The following NTSR1 variants were observed in gnomAD, a reference collection of about 807,000 sequenced individuals.
NTSR1 encodes the protein neurotensin receptor type 1.
In NTSR1, 29 loss-of-function variants were observed where a neutral mutation model predicts 31.2. The observed-to-expected ratio is 0.93, with a 90% confidence interval of 0.69 to 1.27. NTSR1 has a LOEUF of 1.27. Ranked by LOEUF, NTSR1 falls within the 50% of genes most tolerant of loss-of-function variation. NTSR1 has a pLI of 0.00. For synonymous variants in NTSR1, 282 were observed against 269.9 expected (o/e 1.04, Z -0.44); for missense variants, 697 against 595.4 (o/e 1.17, Z -1.78).
intron 3 of NTSR1, 125 bp from the exon 4 acceptor site, chr20:62,759,893 T>C (rs1035394289): frequency 5.6e-6 from 5 of 887,214 alleles, no homozygotes; most frequent in South Asian, 1.6e-5. Flanking sequence ...ACAACCATTC[T>C]CAAGGGGTGT....
In NTSR1 at chr20:62,711,586, C is replaced by T. The variant is rs1440206007; in HGVS notation, c.714+1665C>T. Among the ~76,000 whole-genome samples, 1 of 129,722 alleles carries T rather than the reference C, an allele frequency of 7.7e-6. No individual in the cohort carries two copies. Among genetic ancestry groups the T allele is most frequent in the African/African-American group, 2.8e-5 (1 of 35,534 alleles). 85.1% of individuals were successfully genotyped at this position (129,722 alleles called of 152,430 possible). On this transcript the variant is annotated intron_variant, in intron 1 of 3. Transcript: ENST00000370501. This position sits in a 1 kb window ranked among gnomAD's most constrained non-coding sequence, Gnocchi z 6.4. Reference sequence around the variant, plus strand: ...AGACCCCCGATCCCCCCGCTCAGATCCCCGATCCCCCCGCTCAGAACCCCG... The same window carrying T: ...AGACCCCCGATCCCCCCGCTCAGATTCCCGATCCCCCCGCTCAGAACCCCG...
chr20:62,745,952 G>A lies in NTSR1; in HGVS notation c.715-8733G>A, dbSNP rs6062313. Among the ~76,000 whole-genome samples the A allele has an allele frequency of 0.42, 63,910 of 152,174 alleles. 14,894 individuals carry two copies. The highest frequency in any genetic ancestry group is 0.53 in the Non-Finnish European group (36,062 of 67,976). On this transcript the variant is annotated intron_variant, in intron 1 of 3. Coordinates refer to ENST00000370501, the MANE Select transcript of NTSR1 (RefSeq NM_002531.3). This position sits in a 1 kb window ranked among gnomAD's most constrained non-coding sequence, Gnocchi z 4.1. The stretch of plus-strand genomic sequence containing the variant: ...GTGCTGTGGCATCAGTGGCGCTGAG[G>A]CATCCTCTGGCCGGCCCTGCATGGC...
intron 1 of NTSR1, among the ~76,000 whole-genome samples, chr20:62,753,460 G>C (rs1989427994): frequency 6.6e-6 from 1 of 152,186 alleles, no homozygotes; most frequent in Non-Finnish European, 1.5e-5. Flanking sequence ...GAATCCCACG[G>C]CAGATACCCC....
At chr20:62,746,426 T>C (rs1418157474) in intron 1 of NTSR1, among the ~76,000 whole-genome samples, 2 of 152,106 alleles carry the variant, frequency 1.3e-5, no homozygotes, top group Non-Finnish European at 1.5e-5. Flanking sequence ...CTTTCAGTGG[T>C]CTCTCCTCCC....
rs1420723523 is a variant in NTSR1, at chr20:62,745,646, A to G, written c.715-9039A>G. Among the ~76,000 whole-genome samples, 2 of 152,208 alleles carry G rather than the reference A, an allele frequency of 1.3e-5. No individual in the cohort carries two copies. The highest frequency in any genetic ancestry group is 2.4e-5 in the African/African-American group (1 of 41,438). ...ACAGAGAAAAACACAGAGACATCAC[A>G]GGAGAAAGATACAAAGACAGACAGA... is the stretch of plus-strand genomic sequence containing the variant. On this transcript the variant is annotated intron_variant, in intron 1 of 3. Transcript: ENST00000370501. This position sits in a 1 kb window ranked among gnomAD's most constrained non-coding sequence, Gnocchi z 4.1.
At chr20:62,726,808 C>G (rs1175380514) in intron 1 of NTSR1, among the ~76,000 whole-genome samples, 5 of 152,128 alleles carry the variant, frequency 3.3e-5, no homozygotes, top group Non-Finnish European at 4.4e-5. Context: ...CTAAGACAAG[C>G]CTGGCCCCGG....
chr20:62,744,178 A>G lies in NTSR1; in HGVS notation c.715-10507A>G, dbSNP rs1187380712. ...CCAAGCCGCAGTCCTGTGCCCCCCAATTTGCTTCCTTTCCCACACCCAAGG... is the reference window on the plus strand; with the variant it reads ...CCAAGCCGCAGTCCTGTGCCCCCCAGTTTGCTTCCTTTCCCACACCCAAGG... On this transcript the variant is annotated intron_variant, in intron 1 of 3. Coordinates refer to ENST00000370501, the MANE Select transcript of NTSR1 (RefSeq NM_002531.3). This position sits in a 1 kb window ranked among gnomAD's most constrained non-coding sequence, Gnocchi z 4.1. Among the ~76,000 whole-genome samples the G allele has an allele frequency of 2.0e-5, 3 of 151,938 alleles. No individual in the cohort carries two copies. Among genetic ancestry groups the G allele is most frequent in the South Asian group, 2.1e-4 (1 of 4,816 alleles).
chr20:62,761,676 T>C lies in NTSR1; in HGVS notation c.*1409T>C, dbSNP rs1989625532. 1 of 152,212 alleles carries C rather than the reference T, an allele frequency of 6.6e-6. No individual in the cohort carries two copies. Among genetic ancestry groups the C allele is most frequent in the Non-Finnish European group, 1.5e-5 (1 of 68,050 alleles). The allele number at this position is 152,212 out of a possible 1,614,324, so 9.4% of individuals were successfully genotyped here. ...CTGGGCTGGCTGCCTGCACCGGCCATGTCGACCCAGGACCCGGACACCTGG... is the reference window on the plus strand; with the variant it reads ...CTGGGCTGGCTGCCTGCACCGGCCACGTCGACCCAGGACCCGGACACCTGG... On this transcript the variant is annotated 3_prime_UTR_variant, in exon 4 of 4. Coordinates refer to ENST00000370501, the MANE Select transcript of NTSR1 (RefSeq NM_002531.3).
In NTSR1 at chr20:62,754,764, T is replaced by C; in HGVS notation, c.794T>C (p.Val265Ala). 6.2e-7 allele frequency: 1 copy of C among 1,612,614 alleles called. No individual in the cohort carries two copies. The highest frequency in any genetic ancestry group is 8.5e-7 in the Non-Finnish European group (1 of 1,179,784). The change falls in exon 2 of 4, where the codon GTC (valine) becomes GCC (alanine). Residue 265 changes from valine (V) to alanine (A), a missense_variant. Physicochemically the swap from Val to Ala is moderately conservative, Grantham distance 64. Coordinates refer to ENST00000370501, the MANE Select transcript of NTSR1 (RefSeq NM_002531.3). ...ACCATCATCGCCAACAAGCTGACCGTCATGGTACGCCAGGCGGCCGAGCAG... is the reference window on the plus strand; with the variant it reads ...ACCATCATCGCCAACAAGCTGACCGCCATGGTACGCCAGGCGGCCGAGCAG... ...LNTIIANKLT[V>A]MVRQAAEQGQ...
At position 62,743,622 on chromosome 20, in the gene NTSR1, C is replaced by T. The variant is rs922430971; in HGVS notation, c.715-11063C>T. Among the ~76,000 whole-genome samples, 6 of 150,606 alleles carry T rather than the reference C, an allele frequency of 4.0e-5. No individual in the cohort carries two copies. Among genetic ancestry groups the T allele is most frequent in the Non-Finnish European group, 8.9e-5 (6 of 67,534 alleles). On this transcript the variant is annotated intron_variant, in intron 1 of 3. Coordinates refer to ENST00000370501, the MANE Select transcript of NTSR1 (RefSeq NM_002531.3). This position sits in a 1 kb window ranked among gnomAD's most constrained non-coding sequence, Gnocchi z 7.5. ...CCTCCCACCCGCCCCGCAGCCTCTG[C>T]AGCCATCTTACAAAGCCTCTGGGTT... is the stretch of plus-strand genomic sequence containing the variant.
At chr20:62,746,465 C>A (rs1289432710) in intron 1 of NTSR1, among the ~76,000 whole-genome samples, 1 of 152,096 alleles carries the variant, frequency 6.6e-6, no homozygotes, top group Non-Finnish European at 1.5e-5. Flanking sequence ...ACGGCAGGGG[C>A]TCCTATGGCT....
In NTSR1 at chr20:62,709,816, G is replaced by A. The variant is rs375101644; in HGVS notation, c.609G>A (p.Met203Ile). 9.9e-6 allele frequency: 16 copies of A among 1,612,714 alleles called. No homozygotes were observed. The highest frequency in any genetic ancestry group is 2.7e-5 in the African/African-American group (2 of 75,044). Residue 203 changes from methionine (M) to isoleucine (I), a missense_variant, in exon 1 of 4, where the codon ATG becomes ATA. Transcript: ENST00000370501. ...WLASALLAVP[M>I]LFTMGEQNRS... ...CCTCGGCCCTGCTGGCGGTGCCTAT[G>A]CTGTTCACCATGGGCGAGCAGAACC...
intron 1 of NTSR1, among the ~76,000 whole-genome samples, chr20:62,713,881 C>T (rs889495631): frequency 3.3e-5 from 5 of 152,350 alleles, no homozygotes; most frequent in Middle Eastern, 3.4e-3. Flanking sequence ...AGGCGGATCA[C>T]CTGAGGTCAG....
At chr20:62,728,536 C>T (rs1988948825) in intron 1 of NTSR1, among the ~76,000 whole-genome samples, 1 of 152,212 alleles carries the variant, frequency 6.6e-6, no homozygotes, top group South Asian at 2.1e-4. Flanking sequence ...TTAACATCCC[C>T]TTGGCAAGGC....
chr20:62,743,703 C>T lies in NTSR1; in HGVS notation c.715-10982C>T, dbSNP rs1600730549. 6.6e-6 allele frequency among the ~76,000 whole-genome samples: 1 copy of T among 152,338 alleles called. No individual in the cohort carries two copies. The highest frequency in any genetic ancestry group is 2.1e-4 in the South Asian group (1 of 4,834). ...ACTCAGCACAGGCTGGCTGCGGAGC[C>T]GGGAAGCAGTGTGCCAGTCTGGGGC... On this transcript the variant is annotated intron_variant, in intron 1 of 3. Coordinates refer to ENST00000370501, the MANE Select transcript of NTSR1 (RefSeq NM_002531.3). The surrounding 1 kb of genome is among the most constrained non-coding windows in gnomAD (Gnocchi z 7.5).
intron 1 of NTSR1, among the ~76,000 whole-genome samples, chr20:62,721,055 T>C (rs145542800): frequency 4.6e-5 from 7 of 152,374 alleles, no homozygotes; most frequent in African/African-American, 1.7e-4. Context: ...GATAATGGTC[T>C]ATTCTGGTGA....
chr20:62,737,683 C>T (rs1989122144), intron 1 of NTSR1, among the ~76,000 whole-genome samples: 1 of 152,106 alleles, frequency 6.6e-6, no homozygotes, highest in South Asian at 2.1e-4. Flanking sequence ...CTGCCCATCG[C>T]CAGGTCCAGC....
At chr20:62,729,122 G>A (rs1009891320) in intron 1 of NTSR1, among the ~76,000 whole-genome samples, 23 of 152,196 alleles carry the variant, frequency 1.5e-4, no homozygotes, top group Middle Eastern at 3.2e-3. Flanking sequence ...ACTTACTCAC[G>A]GCATGTCCCA....
Position 62,710,066 on chromosome 20 carries a change from G to A in NTSR1, c.714+145G>A, listed in dbSNP as rs922625374. 5.7e-6 allele frequency: 4 copies of A among 705,776 alleles called. No individual in the cohort carries two copies. The East Asian group carries it at 8.2e-5, about 15-fold the overall frequency. The allele number at this position is 705,776 out of a possible 1,614,324, so 43.7% of individuals were successfully genotyped here. A position where few individuals can be genotyped will look rare whatever the true frequency, so the allele number is the denominator to read the frequency against. ...GCTGGGAAGGCGGTTGGGGCAGCTT[G>A]GGGGCAGCTCCAGAGTTGCCAGGCT... On this transcript the variant is annotated intron_variant, in intron 1 of 3. Coordinates refer to ENST00000370501, the MANE Select transcript of NTSR1 (RefSeq NM_002531.3).
Sources: allele counts gnomAD v4.1 joint callset (sites outside exome capture counted in the v4.1 genomes callset), GRCh38; gene constraint gnomAD v4.1.1; non-coding constraint Gnocchi (gnomAD v3.1); transcripts MANE v1.5; gene names NCBI Gene and HGNC (gene_info 2026-07-23, HGNC 2026-07-21).